KANSL3: variants seen among roughly 807,000 people sequenced by gnomAD.
The protein encoded by KANSL3 is KAT8 regulatory NSL complex subunit 3.
Under a neutral mutation model 89.2 loss-of-function variants are expected in KANSL3, and 16 were observed. The ratio of observed to expected loss-of-function variants is 0.18; its 90% CI spans 0.12 to 0.27. KANSL3 has a LOEUF of 0.27. KANSL3 is among the 10% of genes least tolerant of loss of function. The pLI is 1.00. For synonymous variants in KANSL3, 385 were observed against 419.7 expected (o/e 0.92, Z 1.01); for missense variants, 879 against 1,110.6 (o/e 0.79, Z 2.96).
intron 3 of KANSL3, among the ~76,000 whole-genome samples, chr2:96,620,558 G>A (rs1453306778): frequency 6.6e-6 from 1 of 152,102 alleles, no homozygotes; most frequent in Non-Finnish European, 1.5e-5. Context: ...GTGATATGGA[G>A]CTTATTATTG....
chr2:96,633,654 T>C (rs2073827581), intron 2 of KANSL3, among the ~76,000 whole-genome samples: 2 of 150,956 alleles, frequency 1.3e-5, no homozygotes, highest in Non-Finnish European at 2.9e-5. Context: ...TTGCCTGAGC[T>C]CAGGAGTTTG....
At chr2:96,614,866 C>A (rs1038284475) in intron 5 of KANSL3, among the ~76,000 whole-genome samples, 4 of 150,968 alleles carry the variant, frequency 2.6e-5, no homozygotes, top group Non-Finnish European at 5.9e-5. Flanking sequence ...GTGCAGCACA[C>A]CAACATGGCA....
At chr2:96,598,216 T>G in intron 20 of KANSL3, 2 of 748,528 alleles carry the variant, frequency 2.7e-6, no homozygotes, top group Non-Finnish European at 3.3e-6. Flanking sequence ...ATCAAGGAAC[T>G]ATCATTTCTG....
the KANSL3 span, among the ~76,000 whole-genome samples, chr2:96,585,886 C>T: frequency 6.6e-6 from 1 of 152,182 alleles, no homozygotes; most frequent in Non-Finnish European, 1.5e-5. Context: ...ATTGTACGTT[C>T]TCACTTAGAA....
chr2:96,585,346 T>C, the KANSL3 span, among the ~76,000 whole-genome samples: 2 of 152,140 alleles, frequency 1.3e-5, no homozygotes, highest in Admixed American at 1.3e-4. Flanking sequence ...TCTCAAGATA[T>C]GCAAATGGCT....
chr2:96,584,578 A>G, the KANSL3 span, among the ~76,000 whole-genome samples: 6 of 152,276 alleles, frequency 3.9e-5, no homozygotes, highest in Middle Eastern at 3.4e-3. Context: ...TACACTCCCT[A>G]CTTCTATAAG....
chr2:96,620,175 G>C (rs1451094306), intron 3 of KANSL3, among the ~76,000 whole-genome samples: 1 of 152,094 alleles, frequency 6.6e-6, no homozygotes, highest in East Asian at 1.9e-4. Flanking sequence ...AGGCAGACAG[G>C]ATCAGCAAGC....
intron 3 of KANSL3, among the ~76,000 whole-genome samples, chr2:96,623,419 A>G (rs755168239): frequency 1.3e-5 from 2 of 152,212 alleles, no homozygotes; most frequent in African/African-American, 2.4e-5. Context: ...AGATACTCTA[A>G]TTTCTACAGG....
chr2:96,629,568 C>T (rs1316037950), intron 3 of KANSL3, among the ~76,000 whole-genome samples: 2 of 152,202 alleles, frequency 1.3e-5, no homozygotes, highest in Non-Finnish European at 2.9e-5. Flanking sequence ...GTGATCCACC[C>T]GCCTCAACCT....
chr2:96,630,722 C>T (rs2073230499), intron 3 of KANSL3, among the ~76,000 whole-genome samples: 1 of 152,114 alleles, frequency 6.6e-6, no homozygotes, highest in South Asian at 2.1e-4. Flanking sequence ...TAAATGTTTA[C>T]CAAATGAACA....
At chr2:96,625,378 C>T (rs1323269614) in intron 3 of KANSL3, among the ~76,000 whole-genome samples, 1 of 152,222 alleles carries the variant, frequency 6.6e-6, no homozygotes, top group East Asian at 1.9e-4. Flanking sequence ...TACAATTTTT[C>T]ATGTTCAACA....
At chr2:96,611,237 A>C in intron 9 of KANSL3, 99 bp from the exon 10 acceptor site, 16 of 904,588 alleles carry the variant, frequency 1.8e-5, no homozygotes, top group Non-Finnish European at 2.8e-5. Context: ...AGACAGTCTC[A>C]CCTCTTCCTC....
chr2:96,630,773 G>A (rs1174562564), intron 3 of KANSL3, among the ~76,000 whole-genome samples: 1 of 152,172 alleles, frequency 6.6e-6, no homozygotes, highest in Non-Finnish European at 1.5e-5. Flanking sequence ...TCCCCTGGGG[G>A]CAGTAGAAAG....
At chr2:96,599,621 C>T (rs1467318148) in intron 20 of KANSL3, 1 of 192,468 alleles carries the variant, frequency 5.2e-6, no homozygotes, top group African/African-American at 2.4e-5. Flanking sequence ...TCAATGAATG[C>T]TTCAATAGAA....
At chr2:96,602,442 G>A in intron 18 of KANSL3, 104 bp from the exon 19 acceptor site, 1 of 814,418 alleles carries the variant, frequency 1.2e-6, no homozygotes, top group South Asian at 1.5e-5. Flanking sequence ...TGTATTGAGT[G>A]CCTACTACAT....
At position 96,636,956 on chromosome 2, in the gene KANSL3, G is replaced by C. The variant is rs2074333484; in HGVS notation, c.180C>G (p.Leu60=). 7 of 1,547,720 alleles carry C rather than the reference G, an allele frequency of 4.5e-6. No homozygotes were observed. Among genetic ancestry groups the C allele is most frequent in the Non-Finnish European group, 6.1e-6 (7 of 1,144,694 alleles). ...DASSARPTRM[L]FVTPRRQHES... is the part of the protein sequence containing the mutation. ...CGTGCTGCCGCCGGGGAGTGACAAAGAGCATGCGGGTGGGGCGGGCACTAC... is the reference window on the plus strand; with the variant it reads ...CGTGCTGCCGCCGGGGAGTGACAAACAGCATGCGGGTGGGGCGGGCACTAC... The change falls in exon 2 of 21, where the codon CTC becomes CTG. Residue 60 remains leucine (L), a synonymous_variant. Coordinates refer to ENST00000431828, the MANE Select transcript of KANSL3 (RefSeq NM_001115016.3).
At chr2:96,613,825 T>A (rs1007349444) in intron 5 of KANSL3, among the ~76,000 whole-genome samples, 2 of 151,948 alleles carry the variant, frequency 1.3e-5, no homozygotes, top group Non-Finnish European at 2.9e-5. Context: ...GTACAATCCT[T>A]TGGAAAGCAG....
Position 96,604,237 on chromosome 2 carries a change from G to T in KANSL3, c.2149+13C>A. 1 of 1,591,234 alleles carries T rather than the reference G, an allele frequency of 6.3e-7. No homozygotes were observed. The highest frequency in any genetic ancestry group is 8.5e-7 in the Non-Finnish European group (1 of 1,170,772). On this transcript the variant is annotated intron_variant, in intron 17 of 20. Transcript: ENST00000431828. The stretch of plus-strand genomic sequence containing the variant: ...TCTGTGTTGGAAGGGGAGAATGCTG[G>T]GCCACAAGATACCTGGGAGGGAGCT...
At chr2:96,629,631 T>C (rs2073037249) in intron 3 of KANSL3, among the ~76,000 whole-genome samples, 1 of 152,188 alleles carries the variant, frequency 6.6e-6, no homozygotes, top group African/African-American at 2.4e-5. Context: ...AGGCACTAAA[T>C]TAATTCCAAT....
Sources: gnomAD v4.1 joint callset for allele counts (sites outside exome capture counted in the v4.1 genomes callset) on GRCh38, gnomAD v4.1.1 for gene constraint, MANE v1.5 for transcripts, NCBI Gene and HGNC (gene_info 2026-07-23, HGNC 2026-07-21) for gene names.